TMEM260: variants seen among roughly 807,000 people sequenced by gnomAD.
TMEM260 encodes protein O-mannosyl-transferase TMEM260.
In TMEM260, 82 loss-of-function variants were observed where a neutral mutation model predicts 88.9. The observed-to-expected ratio is 0.92, with a 90% CI of 0.77 to 1.11. The LOEUF is 1.11. Ranked by LOEUF, TMEM260 falls within the 50% of genes least tolerant of loss-of-function variation. TMEM260 has a pLI of 0.00. For missense variants in TMEM260, 902 were observed against 853.4 expected, an observed-to-expected ratio of 1.06 and a Z score of -0.71; for synonymous variants, 314 against 309.3, an observed-to-expected ratio of 1.02 and a Z score of -0.16.
At chr14:56,632,663 T>A (rs1423187679) in intron 12 of TMEM260, among the ~76,000 whole-genome samples, 1 of 152,194 alleles carries the variant, frequency 6.6e-6, no homozygotes, top group Non-Finnish European at 1.5e-5. Flanking sequence ...TTGCCCAGGC[T>A]GGTCTCAAAC....
chr14:56,587,217 T>G (rs1885561302), intron 3 of TMEM260, among the ~76,000 whole-genome samples: 1 of 151,906 alleles, frequency 6.6e-6, no homozygotes, highest in African/African-American at 2.4e-5. Context: ...AACAAAAACA[T>G]TTAAAGAAGA....
chr14:56,611,347 C>T (rs1887263990), intron 6 of TMEM260, among the ~76,000 whole-genome samples: 1 of 152,176 alleles, frequency 6.6e-6, no homozygotes, highest in Non-Finnish European at 1.5e-5. Context: ...TTCAATAAGA[C>T]TCTGAACTAA....
chr14:56,604,162 G>T (rs1343365298), intron 4 of TMEM260, among the ~76,000 whole-genome samples, 170 bp downstream of exon 4: 2 of 152,074 alleles, frequency 1.3e-5, no homozygotes, highest in Non-Finnish European at 2.9e-5. Flanking sequence ...GATGGAACCA[G>T]GATAGCCCTT....
the TMEM260 span, among the ~76,000 whole-genome samples, chr14:56,656,022 A>T: frequency 6.6e-6 from 1 of 152,172 alleles, no homozygotes; most frequent in Non-Finnish European, 1.5e-5. Context: ...TCTTTCCAGA[A>T]GATAGGATTT....
chr14:56,616,128 C>G, intron 8 of TMEM260, 101 bp downstream of exon 8: 3 of 803,456 alleles, frequency 3.7e-6, no homozygotes, highest in Non-Finnish European at 4.1e-6. Context: ...TTATTTTATA[C>G]TCCAAATAAA....
rs202175823 is a variant in TMEM260 at position 56,605,544 on chromosome 14, A to AGT, written c.523-26_523-25insGT. On this transcript the variant is annotated intron_variant, in intron 4 of 15. Coordinates refer to ENST00000261556, the MANE Select transcript of TMEM260 (RefSeq NM_017799.4). ...AGAGTTTTAGGTGAATTTTTTACTT[A>AGT]ATTTTTTTTTTTAATTTATTTTCAG... The AGT allele has an allele frequency of 9.0e-5, 119 of 1,317,200 alleles. No individual in the cohort carries two copies. In the East Asian group the frequency reaches 1.3e-3, roughly 14 times the overall value. 81.6% of individuals were successfully genotyped at this position (1,317,200 alleles called of 1,614,324 possible).
At chr14:56,617,356 G>A (rs776176383) in intron 9 of TMEM260, 59 bp downstream of exon 9, 4 of 1,129,670 alleles carry the variant, frequency 3.5e-6, no homozygotes, top group Non-Finnish European at 5.1e-6. Flanking sequence ...GTGCAAATTT[G>A]CATTTCATAA....
intron 12 of TMEM260, among the ~76,000 whole-genome samples, chr14:56,629,802 C>T (rs893060622): frequency 6.6e-6 from 1 of 152,092 alleles, no homozygotes; most frequent in African/African-American, 2.4e-5. Flanking sequence ...CTTTGGGAGG[C>T]TGAGGCAGGA....
In TMEM260 at chr14:56,600,158, A is replaced by G. The variant is rs146750573; in HGVS notation, c.345-3657A>G. ...AGAAATTCATACAGGCTTATCACAT[A>G]TAGATTATTGTACGAAAACATGAAT... On this transcript the variant is annotated intron_variant, in intron 3 of 15. Transcript: ENST00000261556. 1.1e-3 allele frequency among the ~76,000 whole-genome samples: 165 copies of G among 152,322 alleles called. 2 individuals carry two copies. The highest frequency in any genetic ancestry group is 3.7e-3 in the African/African-American group (155 of 41,572).
chr14:56,623,054 C>T (rs1351960496), intron 11 of TMEM260, among the ~76,000 whole-genome samples: 1 of 152,216 alleles, frequency 6.6e-6, no homozygotes, highest in Non-Finnish European at 1.5e-5. Flanking sequence ...CTCAAGTCCT[C>T]ATTCTGTCAC....
chr14:56,625,774 G>C (rs1888209903), intron 12 of TMEM260, among the ~76,000 whole-genome samples: 1 of 152,176 alleles, frequency 6.6e-6, no homozygotes, highest in South Asian at 2.1e-4. Flanking sequence ...TAAGATCTTA[G>C]TACAATTCAC....
chr14:56,579,658 T>G (rs1280571256), upstream of TMEM260: 1 of 384,674 alleles, frequency 2.6e-6, no homozygotes, highest in Non-Finnish European at 4.6e-6. Context: ...ATTAGGAACC[T>G]TAAATCACAT....
chr14:56,640,106 G>A (rs1889462435), intron 15 of TMEM260, among the ~76,000 whole-genome samples: 1 of 152,226 alleles, frequency 6.6e-6, no homozygotes, highest in Non-Finnish European at 1.5e-5. Context: ...AATATCCTCT[G>A]CAGACTTAAA....
chr14:56,633,376 G>A (rs1372143051), intron 13 of TMEM260: 7 of 433,750 alleles, frequency 1.6e-5, no homozygotes, highest in South Asian at 1.3e-4. Context: ...GGAGAGAGGA[G>A]GGAAGAGGGT....
the TMEM260 span, among the ~76,000 whole-genome samples, chr14:56,661,292 T>C: frequency 6.6e-6 from 1 of 152,120 alleles, no homozygotes; most frequent in South Asian, 2.1e-4. Context: ...TTCCATAGGA[T>C]CTGAGGTGAG....
At chr14:56,585,662 T>G in intron 2 of TMEM260, 99 bp from the exon 3 acceptor site, 1 of 1,188,708 alleles carries the variant, frequency 8.4e-7, no homozygotes, top group Non-Finnish European at 1.2e-6. Context: ...TGCCTAATCT[T>G]TATAGCTGCT....
intron 15 of TMEM260, among the ~76,000 whole-genome samples, chr14:56,640,263 C>A (rs1889477848): frequency 6.6e-6 from 1 of 152,182 alleles, no homozygotes; most frequent in African/African-American, 2.4e-5. Flanking sequence ...GGTGGACTGA[C>A]ACCTCACACA....
chr14:56,646,382 T>A (rs1889968399), intron 15 of TMEM260, among the ~76,000 whole-genome samples: 1 of 152,224 alleles, frequency 6.6e-6, no homozygotes, highest in Non-Finnish European at 1.5e-5. Flanking sequence ...TCAGAAAGTC[T>A]ACAGGTAACT....
downstream of TMEM260, among the ~76,000 whole-genome samples, chr14:56,655,163 G>T (rs994415780): frequency 1.6e-4 from 25 of 152,140 alleles, no homozygotes; most frequent in African/African-American, 5.5e-4. Flanking sequence ...AGGCTGAGGC[G>T]GGTGGATCAT....
Sources: allele counts gnomAD v4.1 joint callset (sites outside exome capture counted in the v4.1 genomes callset), GRCh38; gene constraint gnomAD v4.1.1; transcripts MANE v1.5; gene names NCBI Gene and HGNC (gene_info 2026-07-23, HGNC 2026-07-21).